ADAMTS2: variants seen among roughly 807,000 people sequenced by gnomAD.
ADAMTS2 encodes the protein ADAM metallopeptidase with thrombospondin type 1 motif 2.
A neutral mutation model predicts 123.0 loss-of-function variants in ADAMTS2; 50 were observed. The observed-to-expected ratio is 0.41, with a 90% CI of 0.32 to 0.51. The LOEUF is 0.51. ADAMTS2 is among the 20% of genes least tolerant of loss of function. ADAMTS2 has a pLI of 0.35. For synonymous variants in ADAMTS2, 678 were observed against 695.4 expected (o/e 0.98, Z 0.39); for missense variants, 1,494 against 1,705.2 (o/e 0.88, Z 2.18).
At chr5:179,244,060 G>C (rs1400633433) in intron 3 of ADAMTS2, among the ~76,000 whole-genome samples, 2 of 152,148 alleles carry the variant, frequency 1.3e-5, no homozygotes, top group South Asian at 4.2e-4. Flanking sequence ...ATGCACAATG[G>C]GAGTCCCAGA....
In ADAMTS2 at chr5:179,272,511, A is replaced by C. The variant is rs1022227941; in HGVS notation, c.688+400T>G. ...GGAGAGGCGCTGTCTGGGGCTCTGG[A>C]GGCCTCTTCACAGGCACAGACTCAG... On this transcript the variant is annotated intron_variant, in intron 3 of 21. Transcript: ENST00000251582. This position sits in a 1 kb window ranked among gnomAD's most constrained non-coding sequence, Gnocchi z 5.8. Among the ~76,000 whole-genome samples the C allele has an allele frequency of 1.3e-5, 2 of 152,162 alleles. No homozygotes were observed. Among genetic ancestry groups the C allele is most frequent in the Non-Finnish European group, 2.9e-5 (2 of 68,022 alleles).
At chr5:179,198,609 G>T (rs1333569288) in intron 4 of ADAMTS2, among the ~76,000 whole-genome samples, 2 of 152,144 alleles carry the variant, frequency 1.3e-5, no homozygotes, top group Admixed American at 1.3e-4. Context: ...TGAGGCGGGT[G>T]GATCACCTGA....
chr5:179,190,700 A>G (rs904607575), intron 4 of ADAMTS2, among the ~76,000 whole-genome samples: 3 of 152,242 alleles, frequency 2.0e-5, no homozygotes, highest in Non-Finnish European at 4.4e-5. Flanking sequence ...ATGCGTGACA[A>G]AAGTGAAATC....
chr5:179,139,683 C>T (rs1401569990), intron 11 of ADAMTS2, among the ~76,000 whole-genome samples: 1 of 152,166 alleles, frequency 6.6e-6, no homozygotes, highest in Non-Finnish European at 1.5e-5. Context: ...GGGCCCCGGC[C>T]AGGGGAAGGG....
Position 179,272,943 on chromosome 5 carries a change from G to T in ADAMTS2, c.656C>A (p.Pro219His). 6.2e-7 allele frequency: 1 copy of T among 1,611,808 alleles called. No individual in the cohort carries two copies. Among genetic ancestry groups the T allele is most frequent in the Non-Finnish European group, 8.5e-7 (1 of 1,179,988 alleles). ...CAGGGCCTGTGGCCCCCCGAGAGGA[G>T]GGGACGTGGGTGGCCGGCGATACAC... ...HVVYRRPPTSPPLGGPQALDT... is the reference protein window; with the variant it reads ...HVVYRRPPTSHPLGGPQALDT... The change falls in exon 3 of 22, where the codon CCT becomes CAT. Residue 219 changes from proline (P) to histidine (H), a missense_variant. By Grantham distance (77) the Pro-to-His change is moderately conservative. Coordinates refer to ENST00000251582, the MANE Select transcript of ADAMTS2 (RefSeq NM_014244.5). This position sits in a 1 kb window ranked among gnomAD's most constrained non-coding sequence, Gnocchi z 5.8.
At chr5:179,143,376 T>G (rs527413988) in intron 10 of ADAMTS2, among the ~76,000 whole-genome samples, 190 of 144,704 alleles carry the variant, frequency 1.3e-3, no homozygotes, top group Middle Eastern at 7.5e-3. Flanking sequence ...GAGGTTGCAG[T>G]GAGCTGAGAT....
chr5:179,288,518 C>T (rs544549388), intron 2 of ADAMTS2, among the ~76,000 whole-genome samples: 15 of 152,362 alleles, frequency 9.8e-5, no homozygotes, highest in African/African-American at 3.6e-4. Flanking sequence ...CGTGTCCCCA[C>T]CCACCCAGGG....
At chr5:179,335,896 C>T (rs1757600164) in intron 2 of ADAMTS2, among the ~76,000 whole-genome samples, 1 of 152,248 alleles carries the variant, frequency 6.6e-6, no homozygotes, top group Non-Finnish European at 1.5e-5. Context: ...ACCCTCCCAG[C>T]ACCTCACCTG....
intron 2 of ADAMTS2, among the ~76,000 whole-genome samples, chr5:179,302,304 A>T (rs950055766): frequency 1.3e-5 from 2 of 151,140 alleles, no homozygotes; most frequent in Non-Finnish European, 2.9e-5. Context: ...TACTAAAAAA[A>T]TATAAAACAT....
chr5:179,205,285 A>AC, intron 4 of ADAMTS2, among the ~76,000 whole-genome samples: 1 of 152,198 alleles, frequency 6.6e-6, no homozygotes, highest in Admixed American at 6.5e-5. Flanking sequence ...ATCAGAAGTG[A>AC]CCCCTCCTGG....
In ADAMTS2 at chr5:179,305,057, A is replaced by G. The variant is rs536992476; in HGVS notation, c.535-31993T>C. On this transcript the variant is annotated intron_variant, in intron 2 of 21. Transcript: ENST00000251582. Reference sequence around the variant, plus strand: ...GTGCAAAACATTGTTAAAATGCTGAAAAAAAAAAAAAAAGAACTGTCAACC... The same window carrying G: ...GTGCAAAACATTGTTAAAATGCTGAGAAAAAAAAAAAAAGAACTGTCAACC... Among the ~76,000 whole-genome samples, 141 of 84,072 alleles carry G rather than the reference A, an allele frequency of 1.7e-3. 2 individuals are homozygous for G. Among genetic ancestry groups the G allele is most frequent in the African/African-American group, 0.011 (133 of 12,124 alleles). 55.2% of individuals were successfully genotyped at this position (84,072 alleles called of 152,430 possible). A position where few individuals can be genotyped will look rare whatever the true frequency, so the allele number is the denominator to read the frequency against.
At chr5:179,218,318 G>C (rs1765050294) in intron 3 of ADAMTS2, among the ~76,000 whole-genome samples, 1 of 152,232 alleles carries the variant, frequency 6.6e-6, no homozygotes, top group South Asian at 2.1e-4. Flanking sequence ...CTAACCAAGA[G>C]AGAGTCGCTC....
rs1762990793 is a variant in ADAMTS2, at chr5:179,262,884, A to G, written c.688+10027T>C. On this transcript the variant is annotated intron_variant, in intron 3 of 21. Coordinates refer to ENST00000251582, the MANE Select transcript of ADAMTS2 (RefSeq NM_014244.5). The surrounding 1 kb of genome is among the most constrained non-coding windows in gnomAD (Gnocchi z 5.9). Reference sequence around the variant, plus strand: ...TCAGACACATGGTGGACACATAGCAAGAACGTGACGAGTGAATGCAGGAAA... The same window carrying G: ...TCAGACACATGGTGGACACATAGCAGGAACGTGACGAGTGAATGCAGGAAA... 6.6e-6 allele frequency among the ~76,000 whole-genome samples: 1 copy of G among 152,258 alleles called. No individual in the cohort carries two copies. The highest frequency in any genetic ancestry group is 1.5e-5 in the Non-Finnish European group (1 of 68,050).
chr5:179,171,141 C>T (rs572349739), intron 5 of ADAMTS2, among the ~76,000 whole-genome samples: 7 of 152,312 alleles, frequency 4.6e-5, no homozygotes, highest in South Asian at 2.1e-4. Flanking sequence ...TCATTTATAA[C>T]GTATGGTACG....
chr5:179,276,162 C>T (rs1036463567), intron 2 of ADAMTS2, among the ~76,000 whole-genome samples: 3 of 152,162 alleles, frequency 2.0e-5, no homozygotes, highest in Admixed American at 1.3e-4. Flanking sequence ...ATGAGCGAAC[C>T]GATGACCCCA....
At position 179,122,685 on chromosome 5, in the gene ADAMTS2, C is replaced by T. The variant is rs746802388; in HGVS notation, c.3047G>A (p.Arg1016His). 1.0e-5 allele frequency: 16 copies of T among 1,551,472 alleles called. No homozygotes were observed. Among genetic ancestry groups the T allele is most frequent in the East Asian group, 7.3e-5 (3 of 41,022 alleles). The stretch of plus-strand genomic sequence containing the variant: ...CCTGCAGGTCCTCGCTGTCTCAGGA[C>T]GCTCCTCCTGGCAGATGCCGAAGCT... ...DDSFGICQEE[R>H]PETARTCRLG... Residue 1016 changes from arginine to histidine, a missense_variant, in exon 20 of 22, where the codon CGT becomes CAT. By Grantham distance (29) the Arg-to-His change is conservative. This residue lies in a region of ADAMTS2 where 953 missense variants were observed against 1,124.7 expected (regional missense o/e 0.85). Transcript: ENST00000251582.
chr5:179,171,096 C>A (rs1272310907), intron 5 of ADAMTS2, among the ~76,000 whole-genome samples: 1 of 152,134 alleles, frequency 6.6e-6, no homozygotes, highest in Middle Eastern at 3.2e-3. Flanking sequence ...TTTTTGGATA[C>A]CTCGGTTTTT....
At chr5:179,244,060 G>A (rs1400633433) in intron 3 of ADAMTS2, among the ~76,000 whole-genome samples, 2 of 152,148 alleles carry the variant, frequency 1.3e-5, no homozygotes, top group African/African-American at 4.8e-5. Flanking sequence ...ATGCACAATG[G>A]GAGTCCCAGA....
intron 15 of ADAMTS2, among the ~76,000 whole-genome samples, chr5:179,131,128 C>T (rs1046236047): frequency 3.3e-5 from 5 of 151,598 alleles, no homozygotes; most frequent in Admixed American, 2.0e-4. Context: ...CTGGCTAACA[C>T]GGTGAAACCC....
Sources: allele counts gnomAD v4.1 joint callset (sites outside exome capture counted in the v4.1 genomes callset), GRCh38; gene constraint gnomAD v4.1.1; regional missense constraint gnomAD v4.1.1; non-coding constraint Gnocchi (gnomAD v3.1); transcripts MANE v1.5; gene names NCBI Gene and HGNC (gene_info 2026-07-23, HGNC 2026-07-21).